The following RBPJ variants were observed in gnomAD, a reference collection of about 807,000 sequenced individuals.
The protein encoded by RBPJ is recombining binding protein suppressor of hairless.
A neutral mutation model predicts 67.8 loss-of-function variants in RBPJ; 9 were observed. The observed-to-expected ratio is 0.13, with a 90% confidence interval of 0.08 to 0.23. The LOEUF (loss-of-function observed/expected upper bound fraction) is 0.23, where lower values mean the gene tolerates loss of function less well. RBPJ is among the 10% of genes least tolerant of loss of function. The pLI, the probability that RBPJ is intolerant of heterozygous loss-of-function variation, is 1.00. For synonymous variants in RBPJ, 198 were observed against 203.3 expected (o/e 0.97, Z 0.22); for missense variants, 305 against 595.6 (o/e 0.51, Z 5.08).
At chr4:26,119,711 C>T in the RBPJ span, among the ~76,000 whole-genome samples, 1 of 152,182 alleles carries the variant, frequency 6.6e-6, no homozygotes, top group African/African-American at 2.4e-5. Flanking sequence ...CATTTTAGCA[C>T]CTCTCATAGG....
At chr4:26,248,526 GA>G in intron 1 of RBPJ, among the ~76,000 whole-genome samples, 1 of 152,176 alleles carries the variant, frequency 6.6e-6, no homozygotes, top group South Asian at 2.1e-4. Context: ...ACCTGTTGTT[GA>G]AGTCAAGAGT....
intron 3 of RBPJ, among the ~76,000 whole-genome samples, chr4:26,411,963 A>AT (rs1472161414): frequency 1.8e-4 from 27 of 151,092 alleles, no homozygotes; most frequent in Non-Finnish European, 5.9e-5. Context: ...AAAAAAAAAA[A>AT]AATTAGCCAG....
chr4:26,169,921 G>A (rs190147233), intron 1 of RBPJ, among the ~76,000 whole-genome samples: 192 of 152,286 alleles, frequency 1.3e-3, no homozygotes, highest in Non-Finnish European at 2.0e-3. Flanking sequence ...TCCTAAGCCC[G>A]TCAGAAAAGC....
Position 26,215,353 on chromosome 4 carries a change from AAG to A in RBPJ, c.-167+51741_-167+51742del, listed in dbSNP as rs1491528425. ...AAAGAGAGAGAGAAAGAAAGAAAAA[AAG>A]AAGGAAGGAAGGAAGGAAGAAGGGA... On this transcript the variant is annotated intron_variant, in intron 1 of 4. Transcript: ENST00000512351. Among the ~76,000 whole-genome samples, 194 of 102,486 alleles carry A rather than the reference AAG, an allele frequency of 1.9e-3. 16 individuals carry two copies. Among genetic ancestry groups the A allele is most frequent in the African/African-American group, 9.1e-3 (178 of 19,666 alleles). The allele number at this position is 102,486 out of a possible 152,430, so 67.2% of individuals were successfully genotyped here.
At chr4:26,108,680 T>C in the RBPJ span, among the ~76,000 whole-genome samples, 1 of 152,316 alleles carries the variant, frequency 6.6e-6, no homozygotes, top group Non-Finnish European at 1.5e-5. Context: ...AAATATCAAG[T>C]GCTCAATAAA....
intron 1 of RBPJ, among the ~76,000 whole-genome samples, chr4:26,366,948 A>C (rs1020743964): frequency 1.3e-5 from 2 of 150,394 alleles, no homozygotes; most frequent in Non-Finnish European, 1.5e-5. Context: ...ATATGGTGAA[A>C]CCTCATCTCT....
chr4:26,337,832 A>G (rs964507701), intron 1 of RBPJ, among the ~76,000 whole-genome samples: 1 of 151,808 alleles, frequency 6.6e-6, no homozygotes, highest in Non-Finnish European at 1.5e-5. Context: ...GACCACAAGC[A>G]TGTGCCACCA....
rs1342550465 is a variant in RBPJ at position 26,244,319 on chromosome 4, A to G, written c.-167+80705A>G. 4.8e-4 allele frequency among the ~76,000 whole-genome samples: 73 copies of G among 150,796 alleles called. 3 individuals are homozygous for G. The highest frequency in any genetic ancestry group is 6.6e-4 in the Admixed American group (10 of 15,140). On this transcript the variant is annotated intron_variant, in intron 1 of 4. Coordinates refer to the RBPJ transcript ENST00000512351. ...CATATGTGTACACATATGTGTGTAT[A>G]TGTATACACATATGTGTACACATAT...
At chr4:26,270,395 AAG>A (rs1230285250) in intron 1 of RBPJ, among the ~76,000 whole-genome samples, 6 of 60,124 alleles carry the variant, frequency 1.0e-4, no homozygotes, top group Admixed American at 2.4e-4. Context: ...GAAAGAAAGA[AAG>A]AAAGAAAGAA....
intron 1 of RBPJ, among the ~76,000 whole-genome samples, chr4:26,219,018 A>C (rs1327110913): frequency 6.6e-6 from 1 of 152,224 alleles, no homozygotes; most frequent in Non-Finnish European, 1.5e-5. Flanking sequence ...GAAGCTAATG[A>C]GTGTATTTAT....
intron 1 of RBPJ, among the ~76,000 whole-genome samples, chr4:26,280,501 C>G (rs200667595): frequency 6.6e-6 from 1 of 151,780 alleles, no homozygotes. Context: ...CTTAAGGAGA[C>G]CATACTTTTT....
chr4:26,113,557 CG>C, the RBPJ span: 2 of 490,242 alleles, frequency 4.1e-6, no homozygotes. Context: ...AGAGAACTCA[CG>C]CAGGGCAGAA....
intron 1 of RBPJ, among the ~76,000 whole-genome samples, chr4:26,195,633 C>T (rs776848736): frequency 8.6e-5 from 13 of 151,906 alleles, no homozygotes; most frequent in Non-Finnish European, 1.3e-4. Flanking sequence ...CTCACTCGGT[C>T]GCCCAGGCTG....
chr4:26,381,017 C>G (rs1474259564), intron 1 of RBPJ, among the ~76,000 whole-genome samples: 1 of 134,618 alleles, frequency 7.4e-6, no homozygotes, highest in African/African-American at 2.8e-5. Context: ...TAGATTTTTG[C>G]TTTTTGGTTT....
the RBPJ span, among the ~76,000 whole-genome samples, chr4:26,131,550 A>T: frequency 6.6e-6 from 1 of 152,172 alleles, no homozygotes; most frequent in Non-Finnish European, 1.5e-5. Context: ...ATCAGGTCCT[A>T]ATCCCTGGAA....
intron 1 of RBPJ, among the ~76,000 whole-genome samples, chr4:26,308,695 T>A (rs889720468): frequency 6.6e-6 from 1 of 152,226 alleles, no homozygotes; most frequent in East Asian, 1.9e-4. Context: ...CCAAAGTGGA[T>A]CTTCTTAGTC....
Position 26,431,215 on chromosome 4 carries a change from A to G in RBPJ, c.*208A>G. 2.3e-6 allele frequency: 1 copy of G among 430,988 alleles called. No homozygotes were observed. Among genetic ancestry groups the G allele is most frequent in the Non-Finnish European group, 4.1e-6 (1 of 245,736 alleles). The allele number at this position is 430,988 out of a possible 1,614,324, so 26.7% of individuals were successfully genotyped here. ...AAAAAAAAAAAAAAAAAAAAAAGAA[A>G]AAAAAATCAAAATGTATAAATATTG... On this transcript the variant is annotated 3_prime_UTR_variant, in exon 11 of 11. Transcript: ENST00000355476.
At chr4:26,154,696 G>T in the RBPJ span, among the ~76,000 whole-genome samples, 2 of 152,214 alleles carry the variant, frequency 1.3e-5, no homozygotes, top group Admixed American at 6.5e-5. Flanking sequence ...TCAAGGGTCT[G>T]CAGGTTGCAC....
At chr4:26,321,699 T>C (rs185234708) in intron 1 of RBPJ, 5 of 152,830 alleles carry the variant, frequency 3.3e-5, no homozygotes, top group Admixed American at 3.3e-4. Context: ...TTCTGTATGG[T>C]CCTGGATCAC....
Sources: gnomAD v4.1 joint callset for allele counts (sites outside exome capture counted in the v4.1 genomes callset) on GRCh38, gnomAD v4.1.1 for gene constraint, MANE v1.5 for transcripts, NCBI Gene and HGNC (gene_info 2026-07-23, HGNC 2026-07-21) for gene names.